Variants in DYNC2H1 observed in about 807,000 individuals in gnomAD.
DYNC2H1 encodes dynein cytoplasmic 2 heavy chain 1, also known as cytoplasmic dynein 2 heavy chain 1.
Under a neutral mutation model 570.0 loss-of-function variants are expected in DYNC2H1, and 410 were observed. The ratio of observed to expected loss-of-function variants is 0.72; its 90% CI spans 0.66 to 0.78. The LOEUF is 0.78. Ranked by LOEUF, DYNC2H1 falls within the 30% of genes least tolerant of loss-of-function variation. DYNC2H1 has a pLI of 0.00. For missense variants in DYNC2H1, 4,865 were observed against 5,046.4 expected (o/e 0.96, Z 1.09); for synonymous variants, 1,688 against 1,677.6 (o/e 1.01, Z -0.15).
rs1862571427 is a variant in DYNC2H1, at chr11:103,198,061, A to G, written c.7837A>G (p.Lys2613Glu). 6.4e-7 allele frequency: 1 copy of G among 1,551,688 alleles called. No homozygotes were observed. The highest frequency in any genetic ancestry group is 8.7e-7 in the Non-Finnish European group (1 of 1,146,752). ...TACTGATCTCAAGGATGTTATTAAA[A>G]AGGTATAATATGAATCATTAATTGG... is the stretch of plus-strand genomic sequence containing the variant. The part of the protein sequence containing the change: ...NSTDLKDVIK[K>E]GLIHYGRDNQ... The change falls in exon 48 of 89, where the codon AAG (lysine) becomes GAG (glutamate). Residue 2613 changes from lysine to glutamate, a missense_variant and splice_region_variant. Transcript: ENST00000375735.
At chr11:103,230,487 G>T (rs1591444140) in intron 59 of DYNC2H1, among the ~76,000 whole-genome samples, 2 of 152,296 alleles carry the variant, frequency 1.3e-5, no homozygotes, top group African/African-American at 4.8e-5. Context: ...ATGAGTAAGG[G>T]CATAAGCTAG....
intron 60 of DYNC2H1, among the ~76,000 whole-genome samples, chr11:103,233,416 T>A (rs1297920420): frequency 6.6e-6 from 1 of 151,872 alleles, no homozygotes; most frequent in Non-Finnish European, 1.5e-5. Flanking sequence ...ACACACATAT[T>A]TTTCAAGGAA....
At chr11:103,329,898 G>GT in intron 82 of DYNC2H1, among the ~76,000 whole-genome samples, 1 of 152,220 alleles carries the variant, frequency 6.6e-6, no homozygotes, top group South Asian at 2.1e-4. Context: ...AGGTATTTCA[G>GT]TATTTCTTTA....
intron 31 of DYNC2H1, among the ~76,000 whole-genome samples, chr11:103,166,661 T>C (rs774534086): frequency 3.9e-5 from 6 of 152,214 alleles, no homozygotes; most frequent in Non-Finnish European, 7.4e-5. Context: ...CTGAGCTATA[T>C]GTTTTCTGAT....
At chr11:103,342,663 C>T (rs898925831) in intron 82 of DYNC2H1, among the ~76,000 whole-genome samples, 105 of 151,980 alleles carry the variant, frequency 6.9e-4, no homozygotes, top group Non-Finnish European at 2.5e-4. Context: ...CCACCATGCC[C>T]GGCTAATTTT....
chr11:103,137,245 T>C (rs1296842776), intron 17 of DYNC2H1, among the ~76,000 whole-genome samples: 3 of 148,404 alleles, frequency 2.0e-5, no homozygotes, highest in African/African-American at 7.4e-5. Context: ...ATCCCATTTG[T>C]CAATTTTGGC....
chr11:103,215,800 T>C lies in DYNC2H1; in HGVS notation c.8774T>C (p.Leu2925Pro), dbSNP rs1323229590. 6.2e-7 allele frequency: 1 copy of C among 1,612,538 alleles called. No homozygotes were observed. The highest frequency in any genetic ancestry group is 8.5e-7 in the Non-Finnish European group (1 of 1,179,224). The change falls in exon 55 of 89, where the codon CTT becomes CCT. Residue 2925 changes from leucine to proline, a missense_variant. Leu to Pro is a moderately conservative substitution (Grantham distance 98). Around this residue, in one of 5 missense-constraint regions of DYNC2H1, gnomAD observed 2,401 missense variants for 2,454.6 expected, o/e 0.98. Coordinates refer to ENST00000375735, the MANE Select transcript of DYNC2H1 (RefSeq NM_001377.3). ...AAAGCTGGAGAACAAAGTGTGTTAC[T>C]TAAAACGAAGCAAGATGAAGCAGAT... ...NRKAGEQSVL[L>P]KTKQDEADAA...
At chr11:103,112,954 T>C (rs1591254544) in intron 1 of DYNC2H1, among the ~76,000 whole-genome samples, 1 of 152,196 alleles carries the variant, frequency 6.6e-6, no homozygotes, top group Non-Finnish European at 1.5e-5. Flanking sequence ...TATATGACAA[T>C]TTAACAAAGT....
intron 59 of DYNC2H1, among the ~76,000 whole-genome samples, chr11:103,223,584 A>ATTTCTC (rs372942365): frequency 0.18 from 26,515 of 151,460 alleles, 3,025 homozygotes; most frequent in African/African-American, 0.32. Context: ...GACTAAAATA[A>ATTTCTC]CATGTTGGTC....
chr11:103,220,544 A>G (rs1863546336), intron 56 of DYNC2H1, 79 bp from the exon 57 acceptor site: 27 of 1,384,244 alleles, frequency 2.0e-5, no homozygotes, highest in Non-Finnish European at 2.3e-5. Flanking sequence ...ATAAATGACA[A>G]TAAAACATAA....
intron 70 of DYNC2H1, among the ~76,000 whole-genome samples, chr11:103,274,214 G>T (rs1327299044): frequency 1.3e-5 from 2 of 151,476 alleles, no homozygotes; most frequent in East Asian, 3.9e-4. Flanking sequence ...AATTAACTAG[G>T]CCAGGCATGG....
At chr11:103,358,439 C>G (rs570253295) in intron 83 of DYNC2H1, 80 bp downstream of exon 83, 3 of 987,690 alleles carry the variant, frequency 3.0e-6, no homozygotes, top group African/African-American at 1.6e-5. Flanking sequence ...CTGCCTGAGT[C>G]ATACAAGTAA....
chr11:103,138,657 T>C (rs1486249671), intron 17 of DYNC2H1, among the ~76,000 whole-genome samples: 2 of 152,238 alleles, frequency 1.3e-5, no homozygotes, highest in African/African-American at 4.8e-5. Context: ...TCATCAAGGA[T>C]ATTGGTCTGA....
intron 87 of DYNC2H1, among the ~76,000 whole-genome samples, chr11:103,459,250 A>C (rs1489418500): frequency 1.6e-5 from 2 of 128,978 alleles, no homozygotes; most frequent in Non-Finnish European, 3.2e-5. Context: ...CGGAGCTTGC[A>C]GTGAGCCGAG....
At chr11:103,373,882 A>G (rs768891453) in intron 83 of DYNC2H1, among the ~76,000 whole-genome samples, 3 of 152,134 alleles carry the variant, frequency 2.0e-5, no homozygotes, top group Admixed American at 6.5e-5. Context: ...GGGTGCATCT[A>G]TATTTACAGT....
chr11:103,170,645 A>C lies in DYNC2H1; in HGVS notation c.5152-241A>C, dbSNP rs1360284497. On this transcript the variant is annotated intron_variant, in intron 33 of 88. Transcript: ENST00000375735. This position sits in a 1 kb window ranked among gnomAD's most constrained non-coding sequence, Gnocchi z 4.8. ...TGTATTTTGACTTAAAGAGTAACTAACACAAATCTTGTATTTTTTCTGCAA... is the reference window on the plus strand; with the variant it reads ...TGTATTTTGACTTAAAGAGTAACTACCACAAATCTTGTATTTTTTCTGCAA... Among the ~76,000 whole-genome samples the C allele has an allele frequency of 6.6e-6, 1 of 152,194 alleles. No homozygotes were observed. Among genetic ancestry groups the C allele is most frequent in the East Asian group, 1.9e-4 (1 of 5,206 alleles).
At chr11:103,370,524 T>G (rs1941103250) in intron 83 of DYNC2H1, among the ~76,000 whole-genome samples, 1 of 152,108 alleles carries the variant, frequency 6.6e-6, no homozygotes, top group African/African-American at 2.4e-5. Flanking sequence ...CAAGACCTAG[T>G]GCTGTGCTGG....
intron 85 of DYNC2H1, among the ~76,000 whole-genome samples, chr11:103,451,226 C>CTAAT (rs35825841): frequency 0.16 from 23,338 of 148,586 alleles, 1,989 homozygotes; most frequent in East Asian, 0.27. Flanking sequence ...AATTATGCTT[C>CTAAT]TAATTTGTTA....
chr11:103,452,294 A>G (rs1429963973), intron 85 of DYNC2H1, among the ~76,000 whole-genome samples: 2 of 152,108 alleles, frequency 1.3e-5, no homozygotes, highest in Non-Finnish European at 2.9e-5. Flanking sequence ...AAAACTTTAA[A>G]GGAATTTTTC....
Sources: gnomAD v4.1 joint callset for allele counts (sites outside exome capture counted in the v4.1 genomes callset) on GRCh38, gnomAD v4.1.1 for gene constraint, gnomAD v4.1.1 regional missense constraint, Gnocchi (gnomAD v3.1) non-coding constraint, MANE v1.5 for transcripts, NCBI Gene and HGNC (gene_info 2026-07-23, HGNC 2026-07-21) for gene names.